DYNC2H1: variants seen among roughly 807,000 people sequenced by gnomAD.
DYNC2H1 encodes cytoplasmic dynein 2 heavy chain 1.
In DYNC2H1, 410 loss-of-function variants were observed where a neutral mutation model predicts 570.0. The ratio of observed to expected loss-of-function variants is 0.72; its 90% CI spans 0.66 to 0.78. The LOEUF (loss-of-function observed/expected upper bound fraction) is 0.78. Ranked by LOEUF, DYNC2H1 falls within the 30% of genes least tolerant of loss-of-function variation. The probability of loss-of-function intolerance (pLI) is 0.00; values close to 1 mark genes in which losing one functional copy is unlikely to be tolerated. For missense variants in DYNC2H1, 4,865 were observed against 5,046.4 expected, an observed-to-expected ratio of 0.96 and a Z score of 1.09; for synonymous variants, 1,688 against 1,677.6, an observed-to-expected ratio of 1.01 and a Z score of -0.15.
intron 40 of DYNC2H1, 117 bp from the exon 41 acceptor site, chr11:103,184,779 A>G (rs1207678057): frequency 4.1e-6 from 4 of 965,938 alleles, no homozygotes; most frequent in Non-Finnish European, 6.0e-6. Flanking sequence ...GTTTGAATAG[A>G]GGAGTGAGTT....
chr11:103,159,587 G>A (rs181051357), intron 28 of DYNC2H1, among the ~76,000 whole-genome samples: 114 of 152,198 alleles, frequency 7.5e-4, no homozygotes, highest in African/African-American at 2.7e-3. Flanking sequence ...CAAATGCTTT[G>A]ATGTTGTAGA....
chr11:103,307,461 G>A (rs113483827), intron 77 of DYNC2H1, among the ~76,000 whole-genome samples: 3 of 152,060 alleles, frequency 2.0e-5, no homozygotes, highest in African/African-American at 7.2e-5. Context: ...ATAAGTCAAA[G>A]AGACCAAGGT....
chr11:103,420,599 T>G (rs927131683), intron 84 of DYNC2H1, among the ~76,000 whole-genome samples: 1 of 152,146 alleles, frequency 6.6e-6, no homozygotes, highest in Non-Finnish European at 1.5e-5. Context: ...AAAGAATATT[T>G]AACCCAGAAG....
chr11:103,115,323 T>C lies in DYNC2H1; in HGVS notation c.621+28T>C, dbSNP rs7932257. 7,039 of 1,458,514 alleles carry C rather than the reference T, an allele frequency of 4.8e-3. 313 individuals carry two copies. The African/African-American group carries it at 0.088, about 18-fold the overall frequency. The allele number at this position is 1,458,514 out of a possible 1,614,324, so 90.3% of individuals were successfully genotyped here. A position where few individuals can be genotyped will look rare whatever the true frequency, so the allele number is the denominator to read the frequency against. ...ATGTGATTCATAAATGGTGATATAT[T>C]GGGCTTCTTATAAAAGTACTTTGGG... On this transcript the variant is annotated intron_variant, in intron 4 of 88. Transcript: ENST00000375735.
At chr11:103,364,595 T>G (rs1322515462) in intron 83 of DYNC2H1, among the ~76,000 whole-genome samples, 1 of 147,958 alleles carries the variant, frequency 6.8e-6, no homozygotes, top group East Asian at 2.0e-4. Flanking sequence ...ATTTAAATCT[T>G]GTTGTTTTTT....
chr11:103,378,144 A>G (rs2243980), intron 83 of DYNC2H1, among the ~76,000 whole-genome samples: 65,837 of 151,994 alleles, frequency 0.43, 15,813 homozygotes, highest in Non-Finnish European at 0.54. Flanking sequence ...TTTATGATCC[A>G]AATATTTATA....
chr11:103,377,179 A>G (rs1941427105), intron 83 of DYNC2H1, among the ~76,000 whole-genome samples: 1 of 152,180 alleles, frequency 6.6e-6, no homozygotes, highest in Admixed American at 6.5e-5. Flanking sequence ...GTTTTCAGCT[A>G]TTATTATGTG....
intron 59 of DYNC2H1, among the ~76,000 whole-genome samples, chr11:103,229,297 A>G (rs1863917041): frequency 1.3e-5 from 2 of 152,284 alleles, no homozygotes; most frequent in Middle Eastern, 3.4e-3. Context: ...TTGCAGCGAA[A>G]GTTCACCATG....
rs1199646810 is a variant in DYNC2H1 at position 103,239,061 on chromosome 11, G to T, written c.9819+2522G>T. 6.6e-6 allele frequency among the ~76,000 whole-genome samples: 1 copy of T among 152,196 alleles called. No individual in the cohort carries two copies. Among genetic ancestry groups the T allele is most frequent in the Non-Finnish European group, 1.5e-5 (1 of 68,034 alleles). On this transcript the variant is annotated intron_variant, in intron 63 of 88. Transcript: ENST00000375735. This position sits in a 1 kb window ranked among gnomAD's most constrained non-coding sequence, Gnocchi z 4.3. ...TAATAAGGCTGTTAGAAACTATGGA[G>T]AAGGTGTGAGTGAAAAGCATCAAGA...
intron 80 of DYNC2H1, among the ~76,000 whole-genome samples, chr11:103,318,118 T>C: frequency 6.6e-6 from 1 of 152,182 alleles, no homozygotes; most frequent in Non-Finnish European, 1.5e-5. Context: ...TTTTAATTTA[T>C]ATATTTTTAA....
At chr11:103,141,595 A>T (rs1859934987) in intron 17 of DYNC2H1, among the ~76,000 whole-genome samples, 1 of 152,154 alleles carries the variant, frequency 6.6e-6, no homozygotes, top group South Asian at 2.1e-4. Flanking sequence ...CGGCCGTCTG[A>T]GGTGTCAGTC....
Position 103,156,526 on chromosome 11 carries a change from T to C in DYNC2H1, c.3883T>C (p.Trp1295Arg). The change falls in exon 26 of 89, where the codon TGG becomes CGG. Residue 1295 changes from tryptophan to arginine, a missense_variant. This residue lies in a region of DYNC2H1 where 1,936 missense variants were observed against 1,962.1 expected (regional missense o/e 0.99). Coordinates refer to ENST00000375735, the MANE Select transcript of DYNC2H1 (RefSeq NM_001377.3). ...TCGAACTATGAAGCTGATTAAAGACTGGAAAGATATAGTAAATCAGGTTGG... is the reference window on the plus strand; with the variant it reads ...TCGAACTATGAAGCTGATTAAAGACCGGAAAGATATAGTAAATCAGGTTGG... ...QSRTMKLIKDWKDIVNQVGDN... is the reference protein window; with the variant it reads ...QSRTMKLIKDRKDIVNQVGDN... The C allele has an allele frequency of 6.2e-7, 1 of 1,613,800 alleles. No individual in the cohort carries two copies. The highest frequency in any genetic ancestry group is 8.5e-7 in the Non-Finnish European group (1 of 1,179,764).
At position 103,243,090 on chromosome 11, in the gene DYNC2H1, A is replaced by G. The variant is rs1299462373; in HGVS notation, c.9820-603A>G. 3.9e-5 allele frequency among the ~76,000 whole-genome samples: 6 copies of G among 152,154 alleles called. No homozygotes were observed. The highest frequency in any genetic ancestry group is 1.5e-5 in the Non-Finnish European group (1 of 68,030). ...TTCATTAGATCTTAACCTACAGCCC[A>G]TGTAATTTTCTCTTCCAGGATACTC... On this transcript the variant is annotated intron_variant, in intron 63 of 88. Coordinates refer to ENST00000375735, the MANE Select transcript of DYNC2H1 (RefSeq NM_001377.3). This position sits in a 1 kb window ranked among gnomAD's most constrained non-coding sequence, Gnocchi z 4.8.
At chr11:103,456,092 A>T (rs1310672018) in intron 86 of DYNC2H1, among the ~76,000 whole-genome samples, 183 bp from the exon 87 acceptor site, 2 of 152,174 alleles carry the variant, frequency 1.3e-5, no homozygotes. Context: ...CAAAGAGGAG[A>T]CTGACAGTTA....
chr11:103,267,310 C>T (rs749851515), intron 70 of DYNC2H1, among the ~76,000 whole-genome samples: 6 of 150,492 alleles, frequency 4.0e-5, no homozygotes, highest in African/African-American at 4.9e-5. Context: ...TGTTAGGGCC[C>T]GCCAGTCTTC....
intron 85 of DYNC2H1, among the ~76,000 whole-genome samples, chr11:103,448,454 G>C (rs1379301602): frequency 6.6e-6 from 1 of 152,056 alleles, no homozygotes; most frequent in African/African-American, 2.4e-5. Flanking sequence ...AAAATGGTTA[G>C]AATCTTCAGG....
At chr11:103,392,424 A>G (rs1016214718) in intron 83 of DYNC2H1, among the ~76,000 whole-genome samples, 8 of 152,196 alleles carry the variant, frequency 5.3e-5, no homozygotes, top group Non-Finnish European at 1.2e-4. Flanking sequence ...AGGAAAGGGA[A>G]TTCCCTGACC....
At chr11:103,466,531 A>G (rs72989403) in intron 87 of DYNC2H1, among the ~76,000 whole-genome samples, 6,036 of 152,290 alleles carry the variant, frequency 0.04, 153 homozygotes, top group Non-Finnish European at 0.057. Flanking sequence ...TAAAACAGAT[A>G]AAGGATGTTT....
At chr11:103,421,409 A>G (rs976204069) in intron 84 of DYNC2H1, among the ~76,000 whole-genome samples, 2 of 152,200 alleles carry the variant, frequency 1.3e-5, no homozygotes, top group African/African-American at 2.4e-5. Context: ...CATTCTTCTC[A>G]TTGCCACATG....
Sources: allele counts gnomAD v4.1 joint callset (sites outside exome capture counted in the v4.1 genomes callset), GRCh38; gene constraint gnomAD v4.1.1; regional missense constraint gnomAD v4.1.1; non-coding constraint Gnocchi (gnomAD v3.1); transcripts MANE v1.5; gene names NCBI Gene and HGNC (gene_info 2026-07-23, HGNC 2026-07-21).